Variants in TFR2 observed in about 807,000 individuals in gnomAD.
TFR2 encodes transferrin receptor protein 2.
In TFR2, 64 loss-of-function variants were observed where a neutral mutation model predicts 91.9. The observed-to-expected ratio is 0.70, with a 90% CI of 0.57 to 0.86. The LOEUF (loss-of-function observed/expected upper bound fraction) is 0.86, where lower values mean the gene tolerates loss of function less well. TFR2 is among the 40% of genes least tolerant of loss of function. TFR2 has a pLI of 0.00. For synonymous variants in TFR2, 454 were observed against 459.6 expected (o/e 0.99, Z 0.15); for missense variants, 950 against 1,080.5 (o/e 0.88, Z 1.69).
intron 3 of TFR2, among the ~76,000 whole-genome samples, chr7:100,638,613 T>C (rs1803625304): frequency 6.6e-6 from 1 of 151,836 alleles, no homozygotes; most frequent in Non-Finnish European, 1.5e-5. Flanking sequence ...TGGTTGGGTG[T>C]GGTGGCAGGC....
chr7:100,621,453 C>T (rs1048177569), intron 17 of TFR2, among the ~76,000 whole-genome samples: 3 of 152,128 alleles, frequency 2.0e-5, no homozygotes, highest in Non-Finnish European at 2.9e-5. Flanking sequence ...GGGGTTTCTC[C>T]GTGTTGGCCA....
At position 100,633,350 on chromosome 7, in the gene TFR2, G is replaced by C. The variant is rs749614047; in HGVS notation, c.615-10C>G. ...GGTGTTGGGGTGAGCCCTGGGGAGC[G>C]GGGCTGGTGAGCGCCCCGAGCCGCG... On this transcript the variant is annotated splice_polypyrimidine_tract_variant and intron_variant, in intron 4 of 17. Transcript: ENST00000223051. 6.2e-7 allele frequency: 1 copy of C among 1,610,890 alleles called. No individual in the cohort carries two copies.
chr7:100,620,459 G>A lies in TFR2; in HGVS notation c.*398C>T, dbSNP rs562420616. On this transcript the variant is annotated 3_prime_UTR_variant, in exon 18 of 18. Transcript: ENST00000223051. ...TGGTTTATTGATATTGAAACTCCAC[G>A]CCCCTTTCACCACAGACCACCTGTT... is the stretch of plus-strand genomic sequence containing the variant. 2.2e-5 allele frequency: 4 copies of A among 184,772 alleles called. No homozygotes were observed. The highest frequency in any genetic ancestry group is 1.3e-4 in the South Asian group (1 of 7,748). 11.4% of individuals were successfully genotyped at this position (184,772 alleles called of 1,614,324 possible).
At chr7:100,625,386 C>G (rs1016839609) in intron 17 of TFR2, among the ~76,000 whole-genome samples, 2 of 151,416 alleles carry the variant, frequency 1.3e-5, no homozygotes, top group Non-Finnish European at 2.9e-5. Context: ...ACGCAGGTCC[C>G]TTTTATCCCT....
chr7:100,638,395 T>C (rs1037781392), intron 3 of TFR2, among the ~76,000 whole-genome samples: 1 of 151,962 alleles, frequency 6.6e-6, no homozygotes, highest in Non-Finnish European at 1.5e-5. Flanking sequence ...GAGGATTGTT[T>C]GAGGCCAGTA....
At position 100,634,978 on chromosome 7, in the gene TFR2, G is replaced by A. The variant is rs1415702536; in HGVS notation, c.474-1422C>T. The stretch of plus-strand genomic sequence containing the variant: ...TTTTGAGACGGAGTCTCGCTCTGTC[G>A]CCCAGGCTGGTGTGTAGTCGTGCAA... On this transcript the variant is annotated intron_variant, in intron 3 of 17. Coordinates refer to ENST00000223051, the MANE Select transcript of TFR2 (RefSeq NM_003227.4). Among the ~76,000 whole-genome samples, 5 of 149,152 alleles carry A rather than the reference G, an allele frequency of 3.4e-5. No individual in the cohort carries two copies. In the East Asian group the frequency reaches 5.9e-4, roughly 18 times the overall value.
Position 100,640,760 on chromosome 7 carries a change from G to A in TFR2, c.399C>T (p.Gly133=), listed in dbSNP as rs1418842429. ...CCTGGAGGTCGCTCCAGTAGAGTCTGCCCTGGTGGAAATCCAGGTCAGGCT... is the reference window on the plus strand; with the variant it reads ...CCTGGAGGTCGCTCCAGTAGAGTCTACCCTGGTGGAAATCCAGGTCAGGCT... ...NYEPDLDFHQ[G]RLYWSDLQAM... The change falls in exon 3 of 18, where the codon GGC becomes GGT. Residue 133 remains glycine (G), a synonymous_variant. Coordinates refer to ENST00000223051, the MANE Select transcript of TFR2 (RefSeq NM_003227.4). 1 of 1,614,116 alleles carries A rather than the reference G, an allele frequency of 6.2e-7. No individual in the cohort carries two copies. The highest frequency in any genetic ancestry group is 2.2e-5 in the East Asian group (1 of 44,872).
In TFR2 at chr7:100,621,199, G is replaced by A. The variant is rs533798623; in HGVS notation, c.2137-73C>T. 342 of 1,407,200 alleles carry A rather than the reference G, an allele frequency of 2.4e-4. No individual in the cohort carries two copies. In the African/African-American group the frequency reaches 4.3e-3, roughly 18 times the overall value. The allele number at this position is 1,407,200 out of a possible 1,614,324, so 87.2% of individuals were successfully genotyped here. A position where few individuals can be genotyped will look rare whatever the true frequency, so the allele number is the denominator to read the frequency against. Reference sequence around the variant, plus strand: ...AGCAAAGGCCCGAGTCACCCTTCCCGCCAGCCAGTCTTTTTGTTTTTTTGT... The same window carrying A: ...AGCAAAGGCCCGAGTCACCCTTCCCACCAGCCAGTCTTTTTGTTTTTTTGT... On this transcript the variant is annotated intron_variant, in intron 17 of 17. Transcript: ENST00000223051.
Position 100,632,985 on chromosome 7 carries a change from G to C in TFR2, c.849+16C>G. ...GTTCCCGGGCTCAAGCCCTCCCTCT[G>C]TCCAGGGACACTTACCTTCTGGGCG... On this transcript the variant is annotated intron_variant, in intron 6 of 17. Coordinates refer to ENST00000223051, the MANE Select transcript of TFR2 (RefSeq NM_003227.4). 1 of 1,613,660 alleles carries C rather than the reference G, an allele frequency of 6.2e-7. No individual in the cohort carries two copies. Among genetic ancestry groups the C allele is most frequent in the Non-Finnish European group, 8.5e-7 (1 of 1,179,994 alleles).
At position 100,624,065 on chromosome 7, in the gene TFR2, G is replaced by T. The variant is rs114224743; in HGVS notation, c.2136+2698C>A. On this transcript the variant is annotated intron_variant, in intron 17 of 17. Coordinates refer to ENST00000223051, the MANE Select transcript of TFR2 (RefSeq NM_003227.4). ...TAAGACACTGTCTCCAAAAAATAAA[G>T]AAAGAAAAATAAATAAAAATAAAAA... Among the ~76,000 whole-genome samples the T allele has an allele frequency of 9.8e-3, 1,488 of 151,732 alleles. 17 individuals carry two copies. The highest frequency in any genetic ancestry group is 0.034 in the African/African-American group (1,413 of 41,368).
rs1445288295 is a variant in TFR2, at chr7:100,627,926, A to G, written c.1586T>C (p.Ile529Thr). ...AKTSPLLTSL[I>T]ESVLKQVDSP... ...TCTTGCCTGCTTCAGGACACTCTCA[A>G]TGAGACTTGTCAGAAGGGGGCTGGT... Residue 529 changes from isoleucine to threonine, a missense_variant, in exon 13 of 18, where the codon ATT becomes ACT. Ile to Thr is a moderately conservative substitution (Grantham distance 89). Coordinates refer to ENST00000223051, the MANE Select transcript of TFR2 (RefSeq NM_003227.4). 2 of 1,613,814 alleles carry G rather than the reference A, an allele frequency of 1.2e-6. No individual in the cohort carries two copies. The highest frequency in any genetic ancestry group is 2.2e-5 in the East Asian group (1 of 44,856).
intron 3 of TFR2, 93 bp downstream of exon 3, chr7:100,640,593 C>A: frequency 1.4e-6 from 2 of 1,452,658 alleles, no homozygotes. Flanking sequence ...GGGACCCAGA[C>A]ACCAGAGGCC....
chr7:100,625,462 TG>T lies in TFR2; in HGVS notation c.2136+1300del, dbSNP rs974738439. On this transcript the variant is annotated intron_variant, in intron 17 of 17. Coordinates refer to ENST00000223051, the MANE Select transcript of TFR2 (RefSeq NM_003227.4). ...TTTGTCTTCTGCATGCTGACACAGCTGAGGTTAAACCAAGATCTGTGAATGA... is the reference window on the plus strand; with the variant it reads ...TTTGTCTTCTGCATGCTGACACAGCTAGGTTAAACCAAGATCTGTGAATGA... Among the ~76,000 whole-genome samples the T allele has an allele frequency of 1.9e-4, 29 of 152,272 alleles. 1 individual carries two copies. The highest frequency in any genetic ancestry group is 6.2e-4 in the South Asian group (3 of 4,826).
chr7:100,620,951 C>T lies in TFR2; in HGVS notation c.2312G>A (p.Arg771His), dbSNP rs767335637. Reference sequence around the variant, plus strand: ...GAGCAGGGCTAGCTGACGCCGGAAACGGCTCTCCTGGAAGCCAGTGGAGGA... The same window carrying T: ...GAGCAGGGCTAGCTGACGCCGGAAATGGCTCTCCTGGAAGCCAGTGGAGGA... ...ATSSTGFQESRFRRQLALLTW... is the reference protein window; with the variant it reads ...ATSSTGFQESHFRRQLALLTW... Residue 771 changes from arginine (R) to histidine (H), a missense_variant, in exon 18 of 18, where the codon CGT (arginine) becomes CAT (histidine). Arg to His is a conservative substitution (Grantham distance 29, BLOSUM62 0). Transcript: ENST00000223051. 7 of 1,613,726 alleles carry T rather than the reference C, an allele frequency of 4.3e-6. No homozygotes were observed. Among genetic ancestry groups the T allele is most frequent in the Admixed American group, 1.7e-5 (1 of 59,982 alleles).
At position 100,627,835 on chromosome 7, in the gene TFR2, A is replaced by G. The variant is rs754890555; in HGVS notation, c.1606-15T>C. On this transcript the variant is annotated splice_polypyrimidine_tract_variant and intron_variant, in intron 13 of 17. Coordinates refer to ENST00000223051, the MANE Select transcript of TFR2 (RefSeq NM_003227.4). ...GGAGAATCCACCTGGGGGTTGGGGA[A>G]GGGCACTGATCAGGCTCTGCTCCTC... 3.7e-6 allele frequency: 6 copies of G among 1,614,050 alleles called. No homozygotes were observed. In the East Asian group the frequency reaches 1.3e-4, roughly 36 times the overall value.
Position 100,641,044 on chromosome 7 carries a change from G to A in TFR2, c.218C>T (p.Pro73Leu). Residue 73 changes from proline (P) to leucine (L), a missense_variant, in exon 2 of 18, where the codon CCC becomes CTC. Pro to Leu is a moderately conservative substitution (Grantham distance 98). Coordinates refer to ENST00000223051, the MANE Select transcript of TFR2 (RefSeq NM_003227.4). Reference sequence around the variant, plus strand: ...AGCCCTCCGTCCTGCTGCCGCCCAGGGAATGAGGTTTGGCTGCCTGGGTCT... The same window carrying A: ...AGCCCTCCGTCCTGCTGCCGCCCAGAGAATGAGGTTTGGCTGCCTGGGTCT... The part of the protein sequence containing the change: ...GSRPRQPNLI[P>L]WAAAGRRAAP... 1 of 1,602,764 alleles carries A rather than the reference G, an allele frequency of 6.2e-7. No homozygotes were observed. The highest frequency in any genetic ancestry group is 8.5e-7 in the Non-Finnish European group (1 of 1,173,536).
chr7:100,638,077 CACTGCAAGCTCCG>C (rs1431902488), intron 3 of TFR2, among the ~76,000 whole-genome samples: 2 of 152,026 alleles, frequency 1.3e-5, no homozygotes, highest in Non-Finnish European at 2.9e-5. Flanking sequence ...GATCTCGGTT[CACTGCAAGCTCCG>C]CCTCCCGGGT....
chr7:100,627,828 T>A lies in TFR2; in HGVS notation c.1606-8A>T. On this transcript the variant is annotated splice_region_variant and splice_polypyrimidine_tract_variant and intron_variant, in intron 13 of 17. Coordinates refer to ENST00000223051, the MANE Select transcript of TFR2 (RefSeq NM_003227.4). ...GTGGTTGGGAGAATCCACCTGGGGG[T>A]TGGGGAAGGGCACTGATCAGGCTCT... The A allele has an allele frequency of 6.2e-7, 1 of 1,613,388 alleles. No homozygotes were observed. Among genetic ancestry groups the A allele is most frequent in the Non-Finnish European group, 8.5e-7 (1 of 1,179,832 alleles).
chr7:100,632,623 CA>C (rs1803476117), intron 6 of TFR2: 1 of 333,172 alleles, frequency 3.0e-6, no homozygotes, highest in Admixed American at 4.6e-5. Flanking sequence ...GATCATAGCT[CA>C]CTGCAGCCTG....
Sources: gnomAD v4.1 joint callset for allele counts (sites outside exome capture counted in the v4.1 genomes callset) on GRCh38, gnomAD v4.1.1 for gene constraint, MANE v1.5 for transcripts, NCBI Gene and HGNC (gene_info 2026-07-23, HGNC 2026-07-21) for gene names.